Variants in CDC42EP3 observed in about 807,000 individuals in gnomAD.
CDC42EP3 encodes the protein CDC42 effector protein 3, also known as CDC42 effector protein (Rho GTPase binding) 3.
In CDC42EP3, 4 loss-of-function variants were observed where a neutral mutation model predicts 15.5. The ratio of observed to expected loss-of-function variants is 0.26; its 90% confidence interval spans 0.13 to 0.59. The LOEUF is 0.59. CDC42EP3 is among the 20% of genes least tolerant of loss of function. The pLI, the probability that CDC42EP3 is intolerant of heterozygous loss-of-function variation, is 0.89. For missense variants in CDC42EP3, 309 were observed against 311.2 expected, an observed-to-expected ratio of 0.99 and a Z score of 0.05; for synonymous variants, 145 against 130.3, an observed-to-expected ratio of 1.11 and a Z score of -0.77.
chr2:37,666,213 C>T (rs763608525), intron 1 of CDC42EP3, among the ~76,000 whole-genome samples: 3 of 152,162 alleles, frequency 2.0e-5, no homozygotes, highest in Non-Finnish European at 2.9e-5. Flanking sequence ...AGTGTGTTTC[C>T]TGCCAGGCTG....
At position 37,654,625 on chromosome 2, in the gene CDC42EP3, G is replaced by A. The variant is rs533216436; in HGVS notation, c.-235-7803C>T. ...TTACCCTGCGCCTCCCTGACAGTGC[G>A]TGAAGGGAGGTGTTCACGTTCCCAT... On this transcript the variant is annotated intron_variant, in intron 1 of 1. Transcript: ENST00000295324. Among the ~76,000 whole-genome samples the A allele has an allele frequency of 9.7e-4, 147 of 152,280 alleles. 1 individual carries two copies. Among genetic ancestry groups the A allele is most frequent in the Non-Finnish European group, 2.6e-4 (18 of 68,012 alleles).
At chr2:37,664,143 C>T (rs1201012345) in intron 1 of CDC42EP3, among the ~76,000 whole-genome samples, 1 of 152,140 alleles carries the variant, frequency 6.6e-6, no homozygotes, top group Non-Finnish European at 1.5e-5. Context: ...CACTGCACTC[C>T]AGCCTGGGCG....
chr2:37,671,662 G>A (rs566761508), upstream of CDC42EP3: 6 of 151,528 alleles, frequency 4.0e-5, no homozygotes, highest in Admixed American at 4.0e-4. Flanking sequence ...GCGGCCGGAC[G>A]CGAGGACTGA....
rs1242767971 is a variant in CDC42EP3 at position 37,644,585 on chromosome 2, C to T, written c.*1238G>A. 6.7e-6 allele frequency: 1 copy of T among 149,546 alleles called. No individual in the cohort carries two copies. The highest frequency in any genetic ancestry group is 2.5e-5 in the African/African-American group (1 of 40,360). 9.3% of individuals were successfully genotyped at this position (149,546 alleles called of 1,614,324 possible). A position where few individuals can be genotyped will look rare whatever the true frequency, so the allele number is the denominator to read the frequency against. ...AAGGTGTTCAAGTCAGGAAGATGCT[C>T]AGAAATGACCACTGAGAGGGTGGCA... On this transcript the variant is annotated 3_prime_UTR_variant, in exon 2 of 2. Coordinates refer to ENST00000295324, the MANE Select transcript of CDC42EP3 (RefSeq NM_006449.5).
chr2:37,664,295 G>C (rs1666183622), intron 1 of CDC42EP3, among the ~76,000 whole-genome samples: 1 of 152,192 alleles, frequency 6.6e-6, no homozygotes, highest in African/African-American at 2.4e-5. Context: ...CAGACTCCAA[G>C]TTCTTCAGTT....
rs979442841 is a variant in CDC42EP3, at chr2:37,644,406, A to ACCAT, written c.*1413_*1416dup. On this transcript the variant is annotated 3_prime_UTR_variant, in exon 2 of 2. Coordinates refer to ENST00000295324, the MANE Select transcript of CDC42EP3 (RefSeq NM_006449.5). Reference sequence around the variant, plus strand: ...ATTTCCTGCTCCTGTTTCCTTAACCACCATCCTCAGGGCATCTCTGGCACC... The same window carrying ACCAT: ...ATTTCCTGCTCCTGTTTCCTTAACCACCATCCATCCTCAGGGCATCTCTGGCACC... The ACCAT allele has an allele frequency of 6.6e-6, 1 of 152,146 alleles. No homozygotes were observed. Among genetic ancestry groups the ACCAT allele is most frequent in the African/African-American group, 2.4e-5 (1 of 41,424 alleles). 9.4% of individuals were successfully genotyped at this position (152,146 alleles called of 1,614,324 possible).
rs1481428094 is a variant in CDC42EP3, at chr2:37,642,765, G to GA, written c.*3057dup. ...GGACTTCATTTGCGGGGAGCCTTCA[G>GA]AAAAAACAGGTCACTTGCAGTAATA... On this transcript the variant is annotated 3_prime_UTR_variant, in exon 2 of 2. Coordinates refer to ENST00000295324, the MANE Select transcript of CDC42EP3 (RefSeq NM_006449.5). 2.6e-5 allele frequency: 4 copies of GA among 152,248 alleles called. No individual in the cohort carries two copies. The highest frequency in any genetic ancestry group is 2.1e-4 in the South Asian group (1 of 4,820). The allele number at this position is 152,248 out of a possible 1,614,324, so 9.4% of individuals were successfully genotyped here.
chr2:37,654,278 G>A (rs374064610), intron 1 of CDC42EP3, among the ~76,000 whole-genome samples: 85 of 152,266 alleles, frequency 5.6e-4, no homozygotes, highest in African/African-American at 1.9e-3. Context: ...ACATGTCCCC[G>A]CATGTTCAGA....
At chr2:37,664,955 C>T (rs532951294) in intron 1 of CDC42EP3, among the ~76,000 whole-genome samples, 1 of 152,138 alleles carries the variant, frequency 6.6e-6, no homozygotes, top group South Asian at 2.1e-4. Flanking sequence ...GACTAATGAT[C>T]AGGTACTATG....
At chr2:37,661,992 G>A (rs1191045865) in intron 1 of CDC42EP3, among the ~76,000 whole-genome samples, 1 of 151,980 alleles carries the variant, frequency 6.6e-6, no homozygotes, top group Non-Finnish European at 1.5e-5. Flanking sequence ...AATGAGACTG[G>A]GGCTGAGATA....
At chr2:37,653,489 G>A (rs996534702) in intron 1 of CDC42EP3, among the ~76,000 whole-genome samples, 13 of 152,248 alleles carry the variant, frequency 8.5e-5, no homozygotes, top group African/African-American at 2.6e-4. Context: ...GCGGTGCTTT[G>A]CTTCATTTCT....
chr2:37,662,818 C>T (rs1317588708), intron 1 of CDC42EP3, among the ~76,000 whole-genome samples: 1 of 152,224 alleles, frequency 6.6e-6, no homozygotes, highest in African/African-American at 2.4e-5. Flanking sequence ...GCGACATGCA[C>T]AGAGTGAGCC....
chr2:37,652,825 C>T (rs943883011), intron 1 of CDC42EP3, among the ~76,000 whole-genome samples: 2 of 152,174 alleles, frequency 1.3e-5, no homozygotes, highest in African/African-American at 4.8e-5. Flanking sequence ...CCTCCTGCCT[C>T]AGCTTCCCGA....
chr2:37,672,895 T>TA (rs147985314), upstream of CDC42EP3, among the ~76,000 whole-genome samples: 545 of 152,344 alleles, frequency 3.6e-3, 3 homozygotes, highest in African/African-American at 0.012. Flanking sequence ...TCTGAAACCT[T>TA]AGAGGGTGCG....
upstream of CDC42EP3, chr2:37,672,353 C>G (rs1207269342): frequency 6.6e-6 from 1 of 152,264 alleles, no homozygotes; most frequent in African/African-American, 2.4e-5. Context: ...GTTCTCCTAC[C>G]CAGAGGGAGG....
At chr2:37,664,937 A>T (rs926494858) in intron 1 of CDC42EP3, among the ~76,000 whole-genome samples, 2 of 152,128 alleles carry the variant, frequency 1.3e-5, no homozygotes, top group Non-Finnish European at 2.9e-5. Context: ...GAGGGAGAGG[A>T]TCAGAAAGAC....
At chr2:37,654,884 G>A (rs2124622054) in intron 1 of CDC42EP3, among the ~76,000 whole-genome samples, 1 of 152,218 alleles carries the variant, frequency 6.6e-6, no homozygotes, top group Non-Finnish European at 1.5e-5. Flanking sequence ...CTGTAGGAGT[G>A]CTTCTCTGAA....
At chr2:37,671,909 GAGA>G (rs1666444983), upstream of CDC42EP3, 1 of 152,268 alleles carries the variant, frequency 6.6e-6, no homozygotes, top group African/African-American at 2.4e-5. Context: ...ACTTCTCTCG[GAGA>G]AGATGCCGCT....
intron 1 of CDC42EP3, among the ~76,000 whole-genome samples, chr2:37,669,879 T>C (rs904823233): frequency 2.6e-5 from 4 of 152,226 alleles, no homozygotes; most frequent in East Asian, 1.9e-4. Context: ...ATTTCACATA[T>C]GAAAATGCTA....
Sources: gnomAD v4.1 joint callset for allele counts (sites outside exome capture counted in the v4.1 genomes callset) on GRCh38, gnomAD v4.1.1 for gene constraint, MANE v1.5 for transcripts, NCBI Gene and HGNC (gene_info 2026-07-23, HGNC 2026-07-21) for gene names.